Variants in FHOD3 observed in about 807,000 individuals in gnomAD.
FHOD3 encodes FH1/FH2 domain-containing protein 3.
Under a neutral mutation model 173.0 loss-of-function variants are expected in FHOD3, and 90 were observed. That is an observed-to-expected ratio of 0.52 (90% CI 0.44 to 0.62). The LOEUF (loss-of-function observed/expected upper bound fraction) is 0.62. FHOD3 is among the 20% of genes least tolerant of loss of function. The pLI is 0.00. For missense variants in FHOD3, 1,945 were observed against 2,034.7 expected, an observed-to-expected ratio of 0.96 and a Z score of 0.85; for synonymous variants, 828 against 823.0, an observed-to-expected ratio of 1.01 and a Z score of -0.10.
intron 14 of FHOD3, among the ~76,000 whole-genome samples, chr18:36,658,831 GCTCA>G (rs1371534867): frequency 6.6e-6 from 1 of 152,160 alleles, no homozygotes; most frequent in Non-Finnish European, 1.5e-5. Context: ...TAGGATTCCA[GCTCA>G]CTCACTTGGA....
chr18:36,356,263 T>C (rs986220403), intron 2 of FHOD3, among the ~76,000 whole-genome samples: 2 of 152,262 alleles, frequency 1.3e-5, no homozygotes. Context: ...AAAATAATTA[T>C]TAATTATGTT....
chr18:36,555,935 A>G (rs375177029), intron 5 of FHOD3, among the ~76,000 whole-genome samples: 1 of 151,988 alleles, frequency 6.6e-6, no homozygotes, highest in Non-Finnish European at 1.5e-5. Context: ...TTTTCTCTTT[A>G]TATGAAAAGA....
rs1345243074 is a variant in FHOD3 at position 36,646,843 on chromosome 18, ACTT to A, written c.1197-2470_1197-2468del. On this transcript the variant is annotated intron_variant, in intron 10 of 28. Coordinates refer to ENST00000590592, the MANE Select transcript of FHOD3 (RefSeq NM_001281740.3). ...AAAGGTAAACAGGACATTATTAAGA[ACTT>A]CTGCTTATTAAAAGATGACATGAAG... 3.3e-5 allele frequency among the ~76,000 whole-genome samples: 5 copies of A among 152,254 alleles called. No homozygotes were observed. In the East Asian group the frequency reaches 5.8e-4, roughly 18 times the overall value.
At chr18:36,670,677 T>A (rs1457204700) in intron 14 of FHOD3, among the ~76,000 whole-genome samples, 1 of 152,222 alleles carries the variant, frequency 6.6e-6, no homozygotes, top group Admixed American at 6.5e-5. Flanking sequence ...AATAATTTAC[T>A]TTTTTTCTTC....
At chr18:36,738,178 G>T (rs1221153538) in intron 20 of FHOD3, among the ~76,000 whole-genome samples, 1 of 152,100 alleles carries the variant, frequency 6.6e-6, no homozygotes, top group South Asian at 2.1e-4. Context: ...TCCTTTTATT[G>T]CCGAGTGCTA....
intron 20 of FHOD3, among the ~76,000 whole-genome samples, chr18:36,734,885 G>C (rs1365440409): frequency 6.6e-6 from 1 of 152,250 alleles, no homozygotes; most frequent in Middle Eastern, 3.4e-3. Context: ...TTTTCATCCT[G>C]TGGCTTTGCT....
intron 3 of FHOD3, among the ~76,000 whole-genome samples, chr18:36,497,401 G>A (rs184492239): frequency 6.6e-6 from 1 of 152,306 alleles, no homozygotes; most frequent in Admixed American, 6.5e-5. Context: ...AAGTTGTGAT[G>A]TCGCAGAGGT....
chr18:36,681,534 T>G lies in FHOD3; in HGVS notation c.1934T>G (p.Leu645Trp). 1 of 1,613,872 alleles carries G rather than the reference T, an allele frequency of 6.2e-7. No homozygotes were observed. Among genetic ancestry groups the G allele is most frequent in the Non-Finnish European group, 8.5e-7 (1 of 1,179,898 alleles). Reference protein sequence around the residue: ...ERRRQEREERLQRIEREERNK... With the variant: ...ERRRQEREERWQRIEREERNK... ...CGGCGGCAGGAGAGAGAAGAAAGGT[T>G]GCAGAGAATAGAGCGGGAAGAAAGA... Residue 645 changes from leucine to tryptophan, a missense_variant, in exon 15 of 29, where the codon TTG becomes TGG. By Grantham distance (61) the Leu-to-Trp change is moderately conservative (BLOSUM62 -2). Around this residue, in one of 5 missense-constraint regions of FHOD3, gnomAD observed 1,099 missense variants for 1,051.2 expected, o/e 1.05. Coordinates refer to ENST00000590592, the MANE Select transcript of FHOD3 (RefSeq NM_001281740.3).
intron 3 of FHOD3, among the ~76,000 whole-genome samples, chr18:36,380,058 T>C (rs1415611216): frequency 1.3e-5 from 2 of 152,078 alleles, no homozygotes; most frequent in East Asian, 1.9e-4. Flanking sequence ...ATGGGAAGCA[T>C]TTTAACTCAG....
At chr18:36,653,043 A>T (rs2036173988) in intron 12 of FHOD3, 114 bp downstream of exon 12, 2 of 1,368,522 alleles carry the variant, frequency 1.5e-6, no homozygotes, top group South Asian at 3.0e-5. Flanking sequence ...ATTTCAGCCC[A>T]AGCAGGGAGC....
chr18:36,414,493 A>G (rs1340339550), intron 3 of FHOD3, among the ~76,000 whole-genome samples: 5 of 152,192 alleles, frequency 3.3e-5, no homozygotes, highest in Non-Finnish European at 5.9e-5. Flanking sequence ...CAGCAATACC[A>G]AGGAGAGCTG....
intron 3 of FHOD3, among the ~76,000 whole-genome samples, chr18:36,441,549 G>C (rs1182654127): frequency 2.0e-5 from 3 of 152,206 alleles, no homozygotes; most frequent in Non-Finnish European, 4.4e-5. Context: ...GGACGTCTCT[G>C]TGGCTGTTGT....
At chr18:36,755,007 T>C (rs2042567082) in intron 24 of FHOD3, 112 bp from the exon 25 acceptor site, 1 of 215,406 alleles carries the variant, frequency 4.6e-6, no homozygotes, top group African/African-American at 2.4e-5. Flanking sequence ...ATTATTATTA[T>C]TATTATTATT....
intron 8 of FHOD3, among the ~76,000 whole-genome samples, chr18:36,604,662 AAGAG>A (rs1306084482): frequency 6.6e-6 from 1 of 152,162 alleles, no homozygotes; most frequent in African/African-American, 2.4e-5. Context: ...GAAGAAAAAA[AAGAG>A]AGAGAGAGAT....
In FHOD3 at chr18:36,486,689, C is replaced by T. The variant is rs868145441; in HGVS notation, c.338-15243C>T. Among the ~76,000 whole-genome samples, 15 of 152,308 alleles carry T rather than the reference C, an allele frequency of 9.8e-5. No homozygotes were observed. The South Asian group carries it at 1.0e-3, about 11-fold the overall frequency. On this transcript the variant is annotated intron_variant, in intron 3 of 28. Transcript: ENST00000590592. ...TCCTTTTCTTTATCAACCTTATTGA[C>T]GAGTAATTCACATGCAATAAAATGC...
intron 1 of FHOD3, among the ~76,000 whole-genome samples, chr18:36,349,809 C>T (rs574341599): frequency 1.4e-4 from 22 of 152,226 alleles, no homozygotes; most frequent in African/African-American, 5.3e-4. Context: ...CAGTCTCACT[C>T]TGTTGGAGTG....
At chr18:36,639,257 T>C (rs1399669425) in intron 10 of FHOD3, among the ~76,000 whole-genome samples, 1 of 152,160 alleles carries the variant, frequency 6.6e-6, no homozygotes, top group Non-Finnish European at 1.5e-5. Context: ...AAGCAACGAA[T>C]ATTGGCCGGC....
At chr18:36,487,205 G>T (rs1257110147) in intron 3 of FHOD3, among the ~76,000 whole-genome samples, 3 of 152,198 alleles carry the variant, frequency 2.0e-5, no homozygotes, top group Admixed American at 2.0e-4. Flanking sequence ...GTATATTTCA[G>T]TTGATAAGCA....
Position 36,779,457 on chromosome 18 carries a change from C to G in FHOD3, c.4796C>G (p.Thr1599Ser). 1 of 1,614,170 alleles carries G rather than the reference C, an allele frequency of 6.2e-7. No homozygotes were observed. The highest frequency in any genetic ancestry group is 1.1e-5 in the South Asian group (1 of 91,084). The change falls in exon 29 of 29, where the codon ACC becomes AGC. Residue 1599 changes from threonine (T) to serine (S), a missense_variant. Thr to Ser is a moderately conservative substitution (Grantham distance 58, BLOSUM62 1). Coordinates refer to ENST00000590592, the MANE Select transcript of FHOD3 (RefSeq NM_001281740.3). ...SRANRKSLRR[T>S]LKSGLTPEEA... ...TGCACCACCACTGCAGTGCGAAGAA[C>G]CCTGAAGAGCGGCCTGACCCCAGAA... is the stretch of plus-strand genomic sequence containing the variant.
Sources: allele counts gnomAD v4.1 joint callset (sites outside exome capture counted in the v4.1 genomes callset), GRCh38; gene constraint gnomAD v4.1.1; regional missense constraint gnomAD v4.1.1; transcripts MANE v1.5; gene names NCBI Gene and HGNC (gene_info 2026-07-23, HGNC 2026-07-21).